The following LRP8 variants were observed in gnomAD, a reference collection of about 807,000 sequenced individuals.
LRP8 encodes the protein LDL receptor related protein 8.
Under a neutral mutation model 111.6 loss-of-function variants are expected in LRP8, and 46 were observed. The observed-to-expected ratio is 0.41, with a 90% CI of 0.33 to 0.53. The LOEUF (loss-of-function observed/expected upper bound fraction) is 0.53. Ranked by LOEUF, LRP8 falls within the 20% of genes least tolerant of loss-of-function variation. The pLI is 0.20. For missense variants in LRP8, 959 were observed against 1,297.4 expected (o/e 0.74, Z 4.01); for synonymous variants, 464 against 511.2 (o/e 0.91, Z 1.24).
At chr1:53,270,109 G>T (rs530721501) in intron 8 of LRP8, among the ~76,000 whole-genome samples, 1 of 152,174 alleles carries the variant, frequency 6.6e-6, no homozygotes, top group Admixed American at 6.5e-5. Flanking sequence ...TGCGTTGTGT[G>T]TGTGATGTGT....
chr1:53,276,641 T>G (rs1051694149), intron 5 of LRP8, 51 bp downstream of exon 5: 27 of 1,392,390 alleles, frequency 1.9e-5, no homozygotes, highest in African/African-American at 3.0e-5. Context: ...CCGGATCGGA[T>G]AGCGGATCCG....
At chr1:53,297,045 A>G (rs992765903) in intron 2 of LRP8, among the ~76,000 whole-genome samples, 1 of 151,218 alleles carries the variant, frequency 6.6e-6, no homozygotes, top group Non-Finnish European at 1.5e-5. Context: ...TCGCCAGCAG[A>G]TCTGGGGTCC....
chr1:53,327,207 T>TA, intron 1 of LRP8: 2 of 608,174 alleles, frequency 3.3e-6, no homozygotes, highest in Non-Finnish European at 5.7e-6. Context: ...ACCAGGCACC[T>TA]ACTTAAAGTG....
At chr1:53,263,371 C>T (rs72673141) in intron 10 of LRP8, among the ~76,000 whole-genome samples, 2,309 of 152,290 alleles carry the variant, frequency 0.015, 30 homozygotes, top group Non-Finnish European at 0.022. Context: ...TGCCCTTGCT[C>T]GAAGAAGAGG....
chr1:53,287,147 G>GT (rs1456157190), intron 3 of LRP8, among the ~76,000 whole-genome samples: 1 of 152,246 alleles, frequency 6.6e-6, no homozygotes, highest in East Asian at 1.9e-4. Context: ...CTGGTGGGCC[G>GT]TGGAGGTTGC....
Position 53,243,153 on chromosome 1 carries a change from G to C in LRP8, c.*3865C>G, listed in dbSNP as rs1050452741. 6.6e-6 allele frequency: 1 copy of C among 152,106 alleles called. No homozygotes were observed. The highest frequency in any genetic ancestry group is 1.5e-5 in the Non-Finnish European group (1 of 68,026). The allele number at this position is 152,106 out of a possible 1,614,324, so 9.4% of individuals were successfully genotyped here. ...CTAACTCATTTATATTTTGTGAAAC[G>C]ATGAGTGTATGGCTGGAGTTCGGGG... On this transcript the variant is annotated 3_prime_UTR_variant, in exon 19 of 19. Transcript: ENST00000306052.
At chr1:53,302,745 T>C (rs1572627582) in intron 2 of LRP8, among the ~76,000 whole-genome samples, 2 of 148,884 alleles carry the variant, frequency 1.3e-5, no homozygotes, top group Non-Finnish European at 3.0e-5. Flanking sequence ...CAGGCTGGAG[T>C]GCAGTAGTAT....
intron 2 of LRP8, among the ~76,000 whole-genome samples, chr1:53,325,945 T>C: frequency 6.6e-6 from 1 of 152,190 alleles, no homozygotes; most frequent in East Asian, 1.9e-4. Flanking sequence ...GACAACTGCC[T>C]GCTAACTAGC....
chr1:53,260,204 G>A (rs1646277515), intron 13 of LRP8, among the ~76,000 whole-genome samples: 2 of 152,190 alleles, frequency 1.3e-5, no homozygotes, highest in African/African-American at 4.8e-5. Context: ...TGTTAGAAGA[G>A]TAATACCCAC....
chr1:53,290,606 G>A (rs556801055), intron 2 of LRP8, among the ~76,000 whole-genome samples: 1 of 152,260 alleles, frequency 6.6e-6, no homozygotes, highest in South Asian at 2.1e-4. Flanking sequence ...AAGAATGCAG[G>A]TACCATCCCC....
intron 2 of LRP8, among the ~76,000 whole-genome samples, chr1:53,311,872 G>A (rs552424576): frequency 2.0e-5 from 3 of 152,332 alleles, no homozygotes; most frequent in Admixed American, 6.5e-5. Context: ...TCTGTACAAT[G>A]GGTGGAGTCA....
chr1:53,319,361 G>A (rs1235766157), intron 2 of LRP8, among the ~76,000 whole-genome samples: 1 of 152,200 alleles, frequency 6.6e-6, no homozygotes, highest in Non-Finnish European at 1.5e-5. Context: ...ACAGCTTTGG[G>A]GTGTCTGTCC....
At chr1:53,327,726 C>A in intron 1 of LRP8, 63 bp downstream of exon 1, 1 of 1,389,898 alleles carries the variant, frequency 7.2e-7, no homozygotes, top group Non-Finnish European at 9.4e-7. Flanking sequence ...CTCCGGCCTC[C>A]CGGCCGCGCT....
chr1:53,280,908 C>T (rs1213020540), intron 3 of LRP8, among the ~76,000 whole-genome samples, 193 bp from the exon 4 acceptor site: 1 of 152,234 alleles, frequency 6.6e-6, no homozygotes, highest in Non-Finnish European at 1.5e-5. Context: ...AATCCTAAAT[C>T]TGACCCTTCT....
intron 2 of LRP8, chr1:53,307,576 G>A (rs78848836): frequency 0.068 from 10,302 of 152,266 alleles, 438 homozygotes; most frequent in South Asian, 0.12. Flanking sequence ...TCAGGTGTGC[G>A]CCACATACTG....
intron 3 of LRP8, among the ~76,000 whole-genome samples, chr1:53,281,998 T>C (rs1647128587): frequency 1.3e-5 from 2 of 152,250 alleles, no homozygotes; most frequent in African/African-American, 4.8e-5. Context: ...CTGTGTCTGA[T>C]GCCGGAGACT....
In LRP8 at chr1:53,289,661, G is replaced by A. The variant is rs1321228259; in HGVS notation, c.273C>T (p.Phe91=). 6.2e-7 allele frequency: 1 copy of A among 1,613,930 alleles called. No homozygotes were observed. The highest frequency in any genetic ancestry group is 2.2e-5 in the East Asian group (1 of 44,862). Residue 91 remains phenylalanine, a synonymous_variant, in exon 3 of 19, where the codon TTC becomes TTT. Transcript: ENST00000306052. ...GGATGCAGTGGCCGTTGTCACAGGT[G>A]AAGTCACTGTCTGCACAGGTCTTCT... The part of the protein sequence containing the change: ...CPKKTCADSD[F]TCDNGHCIHE...
At chr1:53,260,824 GA>G (rs903716980) in intron 12 of LRP8, among the ~76,000 whole-genome samples, 2 of 152,134 alleles carry the variant, frequency 1.3e-5, no homozygotes, top group Non-Finnish European at 2.9e-5. Context: ...TCTGTGCTTT[GA>G]ACTGACAGCC....
chr1:53,301,802 A>C (rs7529821), intron 2 of LRP8, among the ~76,000 whole-genome samples: 66,004 of 151,784 alleles, frequency 0.43, 14,831 homozygotes, highest in East Asian at 0.68. Flanking sequence ...AGGTTGTTTC[A>C]TCCCGAATGC....
Sources: gnomAD v4.1 joint callset for allele counts (sites outside exome capture counted in the v4.1 genomes callset) on GRCh38, gnomAD v4.1.1 for gene constraint, MANE v1.5 for transcripts, NCBI Gene and HGNC (gene_info 2026-07-23, HGNC 2026-07-21) for gene names.